TAFA3: variants seen among roughly 807,000 people sequenced by gnomAD.
TAFA3 encodes TAFA chemokine like family member 3.
Under a neutral mutation model 20.7 loss-of-function variants are expected in TAFA3, and 17 were observed. That is an observed-to-expected ratio of 0.82 (90% CI 0.56 to 1.23). The LOEUF is 1.23. TAFA3 is among the 50% of genes most tolerant of loss of function. The pLI is 0.00. For missense variants in TAFA3, 174 were observed against 172.8 expected (o/e 1.01, Z -0.04); for synonymous variants, 74 against 71.8 (o/e 1.03, Z -0.16).
At chr1:112,722,635 T>C (rs1675357022) in intron 3 of TAFA3, among the ~76,000 whole-genome samples, 1 of 152,162 alleles carries the variant, frequency 6.6e-6, no homozygotes, top group Non-Finnish European at 1.5e-5. Context: ...TCTAGCCTCC[T>C]GGCCTAATTC....
chr1:112,725,247 A>G (rs934982401), intron 5 of TAFA3, among the ~76,000 whole-genome samples: 1 of 152,138 alleles, frequency 6.6e-6, no homozygotes, highest in Non-Finnish European at 1.5e-5. Context: ...GAGGGAGGGG[A>G]GCAAGGGCTG....
chr1:112,725,710 G>A (rs1207531428), intron 5 of TAFA3, among the ~76,000 whole-genome samples: 1 of 152,182 alleles, frequency 6.6e-6, no homozygotes, highest in Non-Finnish European at 1.5e-5. Flanking sequence ...CTCCATGTGT[G>A]TCATGGCTAA....
In TAFA3 at chr1:112,721,142, C is replaced by T. The variant is rs75204751; in HGVS notation, c.-2+508C>T. Among the ~76,000 whole-genome samples the T allele has an allele frequency of 1.5e-3, 228 of 152,252 alleles. 5 individuals carry two copies. The East Asian group carries it at 0.04, about 27-fold the overall frequency. The stretch of plus-strand genomic sequence containing the variant: ...TTAAATTGAAGTGCTACTGCATTCC[C>T]GTGGTTGGCAGCTCAAAAAGCAAGA... On this transcript the variant is annotated intron_variant, in intron 2 of 5. Transcript: ENST00000361886.
At position 112,726,708 on chromosome 1, in the gene TAFA3, C is replaced by T. The variant is rs372155425; in HGVS notation, c.*68C>T. The T allele has an allele frequency of 1.2e-6, 2 of 1,612,694 alleles. No individual in the cohort carries two copies. Among genetic ancestry groups the T allele is most frequent in the Non-Finnish European group, 1.7e-6 (2 of 1,178,872 alleles). Reference sequence around the variant, plus strand: ...CGTGAACTGAAGAATGGTATCCAGTCATCAGCCAGGAAAGATGGGGATTCA... The same window carrying T: ...CGTGAACTGAAGAATGGTATCCAGTTATCAGCCAGGAAAGATGGGGATTCA... On this transcript the variant is annotated 3_prime_UTR_variant, in exon 6 of 6. Transcript: ENST00000361886.
At chr1:112,726,335 T>G (rs1254234410) in intron 5 of TAFA3, among the ~76,000 whole-genome samples, 1 of 152,152 alleles carries the variant, frequency 6.6e-6, no homozygotes, top group East Asian at 1.9e-4. Context: ...CAGAAGAGAA[T>G]GAGACCCACT....
In TAFA3 at chr1:112,726,650, G is replaced by T. The variant is rs778256257; in HGVS notation, c.*10G>T. On this transcript the variant is annotated 3_prime_UTR_variant, in exon 6 of 6. Transcript: ENST00000361886. Reference sequence around the variant, plus strand: ...CCAGGTCACACGATAGCTCTTGGGGGTCACGGCCTGGACAAGAAAGGCTTG... The same window carrying T: ...CCAGGTCACACGATAGCTCTTGGGGTTCACGGCCTGGACAAGAAAGGCTTG... 1 of 1,613,902 alleles carries T rather than the reference G, an allele frequency of 6.2e-7. No individual in the cohort carries two copies. Among genetic ancestry groups the T allele is most frequent in the South Asian group, 1.1e-5 (1 of 91,070 alleles).
At chr1:112,724,280 A>C in intron 5 of TAFA3, 143 bp downstream of exon 5, 4 of 780,154 alleles carry the variant, frequency 5.1e-6, no homozygotes, top group Non-Finnish European at 8.1e-6. Flanking sequence ...CAGTCCTCTC[A>C]GGTCTGTTCT....
At chr1:112,720,513 C>T (rs1557787030) in intron 1 of TAFA3, 64 bp from the exon 2 acceptor site, 1 of 152,406 alleles carries the variant, frequency 6.6e-6, no homozygotes, top group South Asian at 2.1e-4. Context: ...TCCTTCACCC[C>T]CTGCAGAGCC....
At position 112,723,460 on chromosome 1, in the gene TAFA3, AGCTCCTTCCCCTGCT is replaced by A. The variant is rs1333159944; in HGVS notation, c.265+309_265+323del. ...ACTCCTCTCCCCACACACTTCCTCC[AGCTCCTTCCCCTGCT>A]GCTCCTTCCCCTGGCTGTCTCAGCC... On this transcript the variant is annotated intron_variant, in intron 4 of 5. Coordinates refer to ENST00000361886, the MANE Select transcript of TAFA3 (RefSeq NM_182759.3). Among the ~76,000 whole-genome samples the A allele has an allele frequency of 3.3e-5, 5 of 151,904 alleles. No homozygotes were observed. The South Asian group carries it at 1.0e-3, about 32-fold the overall frequency.
intron 5 of TAFA3, among the ~76,000 whole-genome samples, chr1:112,724,831 A>AAAG (rs1480359476): frequency 6.7e-6 from 1 of 148,338 alleles, no homozygotes; most frequent in Non-Finnish European, 1.5e-5. Flanking sequence ...AAAAAAAAAA[A>AAAG]AAAAAAAAAG....
chr1:112,726,543 G>T, intron 5 of TAFA3, 86 bp from the exon 6 acceptor site: 1 of 1,420,518 alleles, frequency 7.0e-7, no homozygotes, highest in South Asian at 1.2e-5. Context: ...TCCTCTAAGT[G>T]ACCTGCATAT....
intron 5 of TAFA3, 57 bp from the exon 6 acceptor site, chr1:112,726,571 AT>A: frequency 6.3e-7 from 1 of 1,585,326 alleles, no homozygotes; most frequent in Non-Finnish European, 8.7e-7. Flanking sequence ...AGTCTCTGGC[AT>A]GCTGGAATGG....
At chr1:112,723,822 A>G in intron 4 of TAFA3, 191 bp from the exon 5 acceptor site, 1 of 1,073,332 alleles carries the variant, frequency 9.3e-7, no homozygotes, top group Admixed American at 2.4e-5. Context: ...TAAAGTTGAG[A>G]GGGTTACGTC....
intron 5 of TAFA3, among the ~76,000 whole-genome samples, chr1:112,725,799 T>G (rs1244374767): frequency 6.6e-6 from 1 of 152,192 alleles, no homozygotes; most frequent in Non-Finnish European, 1.5e-5. Context: ...CCTTTGGCTT[T>G]CCTTCCCTCC....
intron 4 of TAFA3, 132 bp from the exon 5 acceptor site, chr1:112,723,881 G>C: frequency 6.3e-7 from 1 of 1,585,142 alleles, no homozygotes; most frequent in Non-Finnish European, 8.6e-7. Context: ...TGGAGTAGGG[G>C]AAAGACAAGG....
At position 112,722,480 on chromosome 1, in the gene TAFA3, G is replaced by A. The variant is rs942435436; in HGVS notation, c.115+132G>A. ...AAATCCAGAGATTCTAGGGGTTCCG[G>A]CTCCTCCTCTGCTCTTTACCCAGGA... On this transcript the variant is annotated intron_variant, in intron 3 of 5. Transcript: ENST00000361886. The A allele has an allele frequency of 4.1e-6, 3 of 730,988 alleles. No homozygotes were observed. In the African/African-American group the frequency reaches 5.3e-5, roughly 13 times the overall value. The allele number at this position is 730,988 out of a possible 1,614,324, so 45.3% of individuals were successfully genotyped here. A position where few individuals can be genotyped will look rare whatever the true frequency, so the allele number is the denominator to read the frequency against.
chr1:112,725,654 C>G (rs1675453330), intron 5 of TAFA3, among the ~76,000 whole-genome samples: 1 of 152,022 alleles, frequency 6.6e-6, no homozygotes, highest in Non-Finnish European at 1.5e-5. Flanking sequence ...GCTGCCTGCT[C>G]CACAGAACAA....
At chr1:112,726,370 A>G (rs750607133) in intron 5 of TAFA3, among the ~76,000 whole-genome samples, 14 of 152,204 alleles carry the variant, frequency 9.2e-5, no homozygotes, top group Non-Finnish European at 1.9e-4. Flanking sequence ...ATTTGTCACC[A>G]TGTTATAGGT....
rs772459498 is a variant in TAFA3 at position 112,723,008 on chromosome 1, C to T, written c.116-8C>T. The T allele has an allele frequency of 1.2e-6, 2 of 1,606,024 alleles. No individual in the cohort carries two copies. The highest frequency in any genetic ancestry group is 1.7e-5 in the Admixed American group (1 of 59,570). On this transcript the variant is annotated splice_polypyrimidine_tract_variant and splice_region_variant and intron_variant, in intron 3 of 5. Transcript: ENST00000361886. Reference sequence around the variant, plus strand: ...GTTGGGCGTCTGATCCTGGGCGGCTCCCCTCAGTGCTTGTGCAGCAGGGCA... The same window carrying T: ...GTTGGGCGTCTGATCCTGGGCGGCTTCCCTCAGTGCTTGTGCAGCAGGGCA...
Sources: gnomAD v4.1 joint callset for allele counts (sites outside exome capture counted in the v4.1 genomes callset) on GRCh38, gnomAD v4.1.1 for gene constraint, MANE v1.5 for transcripts, NCBI Gene and HGNC (gene_info 2026-07-23, HGNC 2026-07-21) for gene names.